The following DUSP10 variants were observed in gnomAD, a reference collection of about 807,000 sequenced individuals.
The protein encoded by DUSP10 is dual specificity phosphatase 10, also known as dual specificity protein phosphatase 10.
DUSP10 carries 14 observed loss-of-function variants against 30.8 expected under a neutral mutation model. The ratio of observed to expected loss-of-function variants is 0.46; its 90% CI spans 0.30 to 0.71. The LOEUF (loss-of-function observed/expected upper bound fraction) is 0.71. DUSP10 is among the 30% of genes least tolerant of loss of function. DUSP10 has a pLI of 0.08. For synonymous variants in DUSP10, 254 were observed against 250.4 expected (o/e 1.01, Z -0.14); for missense variants, 550 against 619.4 (o/e 0.89, Z 1.19).
chr1:221,707,104 TTTGAGTGCAA>T (rs1660793475), intron 2 of DUSP10, among the ~76,000 whole-genome samples: 1 of 152,220 alleles, frequency 6.6e-6, no homozygotes, highest in Non-Finnish European at 1.5e-5. Context: ...GGTGTCTCCC[TTTGAGTGCAA>T]TTGTGAGCCT....
chr1:221,706,338 T>C lies in DUSP10; in HGVS notation c.940A>G (p.Thr314Ala). ...AGCTCAGCGTTCTCGATGTCAGGGG[T>C]GGTGGGGATGGGCTGAGGTAGCAAG... is the stretch of plus-strand genomic sequence containing the variant. The part of the protein sequence containing the change: ...SSLLPQPIPT[T>A]PDIENAELTP... The change falls in exon 3 of 4, where the codon ACC (threonine) becomes GCC (alanine). Residue 314 changes from threonine to alanine, a missense_variant. Physicochemically the swap from Thr to Ala is moderately conservative, Grantham distance 58. Coordinates refer to ENST00000366899, the MANE Select transcript of DUSP10 (RefSeq NM_007207.6). This position sits in a 1 kb window ranked among gnomAD's most constrained non-coding sequence, Gnocchi z 4.6. The C allele has an allele frequency of 3.1e-6, 5 of 1,611,628 alleles. No individual in the cohort carries two copies. Among genetic ancestry groups the C allele is most frequent in the Non-Finnish European group, 4.2e-6 (5 of 1,178,040 alleles).
At chr1:221,717,561 A>AT (rs147581266) in intron 2 of DUSP10, among the ~76,000 whole-genome samples, 6,409 of 152,180 alleles carry the variant, frequency 0.042, 181 homozygotes, top group Non-Finnish European at 0.066. Context: ...TTCTGAATGC[A>AT]TTTTTTGTGG....
chr1:221,702,125 A>C lies in DUSP10; in HGVS notation c.*287T>G, dbSNP rs1264959171. 3.5e-5 allele frequency: 13 copies of C among 371,210 alleles called. No homozygotes were observed. Among genetic ancestry groups the C allele is most frequent in the African/African-American group, 1.0e-4 (5 of 47,992 alleles). 23.0% of individuals were successfully genotyped at this position (371,210 alleles called of 1,614,324 possible). A position where few individuals can be genotyped will look rare whatever the true frequency, so the allele number is the denominator to read the frequency against. ...AGTCATAAACTCTACAAATAGCTTAAAAGGAAAAGGGGGAGAAACAAGTTG... is the reference window on the plus strand; with the variant it reads ...AGTCATAAACTCTACAAATAGCTTACAAGGAAAAGGGGGAGAAACAAGTTG... On this transcript the variant is annotated 3_prime_UTR_variant, in exon 4 of 4. Transcript: ENST00000366899. This position sits in a 1 kb window ranked among gnomAD's most constrained non-coding sequence, Gnocchi z 4.5.
chr1:221,735,604 T>A (rs982544840), intron 2 of DUSP10, among the ~76,000 whole-genome samples: 19 of 152,240 alleles, frequency 1.2e-4, no homozygotes, highest in African/African-American at 4.6e-4. Flanking sequence ...AATTGTTTAA[T>A]CTGGTTGATA....
At chr1:221,737,018 A>T (rs1661795852) in intron 2 of DUSP10, 1 of 985,354 alleles carries the variant, frequency 1.0e-6, no homozygotes, top group Non-Finnish European at 1.2e-6. Flanking sequence ...GGCTGTCCAG[A>T]ATCTCAGCTG....
At chr1:221,741,187 C>A (rs946043057) in intron 1 of DUSP10, among the ~76,000 whole-genome samples, 2 of 152,178 alleles carry the variant, frequency 1.3e-5, no homozygotes, top group African/African-American at 2.4e-5. Flanking sequence ...TGGATGGGAG[C>A]GAAGGAGTCA....
chr1:221,712,238 G>T (rs1660957641), intron 2 of DUSP10, among the ~76,000 whole-genome samples: 1 of 152,106 alleles, frequency 6.6e-6, no homozygotes, highest in South Asian at 2.1e-4. Flanking sequence ...TTAGGATCTT[G>T]CCCCCAGGGA....
intron 2 of DUSP10, among the ~76,000 whole-genome samples, chr1:221,719,066 A>C (rs1571818500): frequency 6.6e-6 from 1 of 152,352 alleles, no homozygotes; most frequent in Non-Finnish European, 1.5e-5. Context: ...GTTTGCTTTG[A>C]ATAAAACCCC....
chr1:221,725,995 T>C (rs1160946278), intron 2 of DUSP10, among the ~76,000 whole-genome samples: 1 of 152,250 alleles, frequency 6.6e-6, no homozygotes, highest in East Asian at 1.9e-4. Context: ...CCTCACTCTA[T>C]CCACCAAAGA....
intron 2 of DUSP10, among the ~76,000 whole-genome samples, chr1:221,720,775 T>C (rs1661259682): frequency 6.6e-6 from 1 of 152,236 alleles, no homozygotes; most frequent in Non-Finnish European, 1.5e-5. Context: ...AGACCAGATG[T>C]GTTCTCAGAA....
chr1:221,727,985 G>C (rs988824844), intron 2 of DUSP10, among the ~76,000 whole-genome samples: 1 of 152,142 alleles, frequency 6.6e-6, no homozygotes, highest in Non-Finnish European at 1.5e-5. Flanking sequence ...GGTCATGAGG[G>C]CTCCACTCTC....
At chr1:221,734,160 AGAT>A (rs1223376841) in intron 2 of DUSP10, among the ~76,000 whole-genome samples, 3 of 152,246 alleles carry the variant, frequency 2.0e-5, no homozygotes, top group African/African-American at 7.2e-5. Context: ...CCTCCTGATG[AGAT>A]GATGAGAGGC....
At position 221,706,345 on chromosome 1, in the gene DUSP10, G is replaced by T; in HGVS notation, c.933C>A (p.Ile311=). ...CGTTCTCGATGTCAGGGGTGGTGGG[G>T]ATGGGCTGAGGTAGCAAGCTCGAGG... ...SAASSLLPQP[I]PTTPDIENAE... Residue 311 remains isoleucine (I), a synonymous_variant, in exon 3 of 4, where the codon ATC becomes ATA. Coordinates refer to ENST00000366899, the MANE Select transcript of DUSP10 (RefSeq NM_007207.6). The surrounding 1 kb of genome is among the most constrained non-coding windows in gnomAD (Gnocchi z 4.6). 1 of 1,611,162 alleles carries T rather than the reference G, an allele frequency of 6.2e-7. No individual in the cohort carries two copies. Among genetic ancestry groups the T allele is most frequent in the Non-Finnish European group, 8.5e-7 (1 of 1,177,586 alleles).
chr1:221,707,611 A>G (rs974173252), intron 2 of DUSP10, among the ~76,000 whole-genome samples: 2 of 152,344 alleles, frequency 1.3e-5, no homozygotes, highest in Non-Finnish European at 2.9e-5. Flanking sequence ...GAAATCATCT[A>G]ACCAAAGATA....
chr1:221,720,172 A>G (rs779121565), intron 2 of DUSP10, among the ~76,000 whole-genome samples: 8 of 152,176 alleles, frequency 5.3e-5, no homozygotes, highest in Non-Finnish European at 1.0e-4. Flanking sequence ...CTCTGAAGTT[A>G]TGAGTGTTTT....
intron 1 of DUSP10, among the ~76,000 whole-genome samples, chr1:221,741,584 G>A (rs543167617): frequency 1.3e-5 from 2 of 152,084 alleles, no homozygotes; most frequent in African/African-American, 4.8e-5. Context: ...AGAAAATTAA[G>A]TGGTTAGAGA....
At chr1:221,738,539 A>G (rs1486661713) in intron 2 of DUSP10, among the ~76,000 whole-genome samples, 3 of 152,242 alleles carry the variant, frequency 2.0e-5, no homozygotes, top group African/African-American at 4.8e-5. Context: ...CCTCTGTTCC[A>G]TCAACATTGG....
At chr1:221,728,105 A>T (rs911127253) in intron 2 of DUSP10, among the ~76,000 whole-genome samples, 6 of 152,190 alleles carry the variant, frequency 3.9e-5, no homozygotes, top group Non-Finnish European at 5.9e-5. Flanking sequence ...TCACTGTCTT[A>T]CACACTTGCT....
intron 2 of DUSP10, among the ~76,000 whole-genome samples, chr1:221,738,451 G>A (rs1661842991): frequency 6.6e-6 from 1 of 152,182 alleles, no homozygotes; most frequent in Non-Finnish European, 1.5e-5. Context: ...TGGTCAGAAA[G>A]GTGAGAAAGA....
Sources: allele counts gnomAD v4.1 joint callset (sites outside exome capture counted in the v4.1 genomes callset), GRCh38; gene constraint gnomAD v4.1.1; non-coding constraint Gnocchi (gnomAD v3.1); transcripts MANE v1.5; gene names NCBI Gene and HGNC (gene_info 2026-07-23, HGNC 2026-07-21).